Variants in FAM81A observed in about 807,000 individuals in gnomAD.
FAM81A encodes protein FAM81A.
A neutral mutation model predicts 46.7 loss-of-function variants in FAM81A; 19 were observed. That is an observed-to-expected ratio of 0.41 (90% CI 0.28 to 0.60). FAM81A has a LOEUF of 0.60. Ranked by LOEUF, FAM81A falls within the 20% of genes least tolerant of loss-of-function variation. FAM81A has a pLI of 0.34. For missense variants in FAM81A, 377 were observed against 453.5 expected (o/e 0.83, Z 1.53); for synonymous variants, 183 against 152.9 (o/e 1.20, Z -1.45).
chr15:59,405,021 T>C (rs28760600), intron 2 of FAM81A, among the ~76,000 whole-genome samples: 2,333 of 152,294 alleles, frequency 0.015, 56 homozygotes, highest in African/African-American at 0.052. Context: ...CTTTGCATGC[T>C]CTCTTCTGTC....
At chr15:59,496,354 C>A (rs939441662) in intron 4 of FAM81A, among the ~76,000 whole-genome samples, 1 of 152,208 alleles carries the variant, frequency 6.6e-6, no homozygotes, top group Admixed American at 6.5e-5. Flanking sequence ...CGCCTGTAAT[C>A]CCAGTGCATT....
chr15:59,459,989 C>T lies in FAM81A; in HGVS notation c.77C>T (p.Ser26Phe), dbSNP rs780817259. Residue 26 changes from serine (S) to phenylalanine (F), a missense_variant, in exon 3 of 9, where the codon TCT (serine) becomes TTT (phenylalanine). Physicochemically the swap from Ser to Phe is radical, Grantham distance 155. Coordinates refer to ENST00000288228, the MANE Select transcript of FAM81A (RefSeq NM_152450.3). ...TCCCTGACCATGGCACCATACTCAT[C>T]TGTAAGCCTCGTGGAGCAGCTGGAA... ...SQSLTMAPYSSVSLVEQLEDR... is the reference protein window; with the variant it reads ...SQSLTMAPYSFVSLVEQLEDR... 2 of 1,612,802 alleles carry T rather than the reference C, an allele frequency of 1.2e-6. No homozygotes were observed. The highest frequency in any genetic ancestry group is 1.1e-5 in the South Asian group (1 of 90,862).
chr15:59,443,838 GC>G (rs1476355034), intron 1 of FAM81A, among the ~76,000 whole-genome samples: 2 of 152,028 alleles, frequency 1.3e-5, no homozygotes, highest in Non-Finnish European at 2.9e-5. Flanking sequence ...GTGCACACTG[GC>G]CTCAATCGAC....
intron 6 of FAM81A, among the ~76,000 whole-genome samples, chr15:59,513,608 A>C (rs887460401): frequency 4.6e-5 from 7 of 152,180 alleles, no homozygotes; most frequent in Non-Finnish European, 8.8e-5. Context: ...GATTGAGCCT[A>C]GTTTAATGTT....
At chr15:59,514,072 G>A (rs1276012943) in intron 6 of FAM81A, among the ~76,000 whole-genome samples, 1 of 151,940 alleles carries the variant, frequency 6.6e-6, no homozygotes. Context: ...ACTGGGGCTT[G>A]GGGGCATGGG....
At chr15:59,413,579 A>C (rs908228313) in intron 2 of FAM81A, among the ~76,000 whole-genome samples, 4 of 152,132 alleles carry the variant, frequency 2.6e-5, no homozygotes, top group Admixed American at 1.3e-4. Context: ...TAAATATGCA[A>C]ACAGAGTTCT....
chr15:59,480,965 G>A (rs1268954677), intron 3 of FAM81A, among the ~76,000 whole-genome samples: 3 of 152,032 alleles, frequency 2.0e-5, no homozygotes, highest in African/African-American at 2.4e-5. Context: ...ATTCTTTCCT[G>A]TATTCTTCAA....
At chr15:59,432,610 A>G (rs1321117724) in intron 2 of FAM81A, among the ~76,000 whole-genome samples, 1 of 152,178 alleles carries the variant, frequency 6.6e-6, no homozygotes, top group Non-Finnish European at 1.5e-5. Flanking sequence ...AGAACTTAAT[A>G]GCTTTGGGAC....
chr15:59,415,542 C>T (rs572269202), intron 2 of FAM81A, among the ~76,000 whole-genome samples: 1 of 152,286 alleles, frequency 6.6e-6, no homozygotes, highest in East Asian at 1.9e-4. Context: ...AGGACTTGAT[C>T]TTCTGTCATG....
At chr15:59,427,876 G>C (rs1267653642) in intron 2 of FAM81A, among the ~76,000 whole-genome samples, 1 of 152,208 alleles carries the variant, frequency 6.6e-6, no homozygotes, top group Non-Finnish European at 1.5e-5. Context: ...TAAGAGTGCA[G>C]ATATCTCTTC....
chr15:59,411,995 C>CAA (rs397736383), intron 2 of FAM81A, among the ~76,000 whole-genome samples: 43 of 121,220 alleles, frequency 3.5e-4, no homozygotes, highest in East Asian at 3.1e-3. Context: ...AAGAAACAAA[C>CAA]AAAAAAAAAA....
intron 2 of FAM81A, among the ~76,000 whole-genome samples, chr15:59,430,960 C>T (rs2081217220): frequency 6.6e-6 from 1 of 152,036 alleles, no homozygotes; most frequent in African/African-American, 2.4e-5. Context: ...CTGACTGAGT[C>T]TTGGGGGACA....
rs2082170222 is a variant in FAM81A at position 59,508,286 on chromosome 15, CT to C, written c.544-574del. ...TCTGGATCTGACAAATACCATGAAT[CT>C]TTAAGTAAGGAACATGGAACATTCT... On this transcript the variant is annotated intron_variant, in intron 5 of 8. Transcript: ENST00000288228. Among the ~76,000 whole-genome samples the C allele has an allele frequency of 3.3e-5, 5 of 152,106 alleles. No individual in the cohort carries two copies. The South Asian group carries it at 1.0e-3, about 32-fold the overall frequency.
At chr15:59,472,047 A>G (rs573494432) in intron 3 of FAM81A, among the ~76,000 whole-genome samples, 16 of 151,962 alleles carry the variant, frequency 1.1e-4, no homozygotes, top group African/African-American at 3.6e-4. Flanking sequence ...TTCTTTTTGG[A>G]TTTACCTTTC....
intron 6 of FAM81A, among the ~76,000 whole-genome samples, chr15:59,511,593 T>G (rs116508270): frequency 0.015 from 2,261 of 152,278 alleles, 52 homozygotes; most frequent in African/African-American, 0.051. Flanking sequence ...CCTAGAGAAA[T>G]TCTCCCAAAT....
At chr15:59,449,658 T>G (rs1240017551) in intron 1 of FAM81A, among the ~76,000 whole-genome samples, 1 of 151,710 alleles carries the variant, frequency 6.6e-6, no homozygotes, top group Non-Finnish European at 1.5e-5. Flanking sequence ...GGCGGGCGCC[T>G]GTAGTCCCAG....
chr15:59,402,653 G>T (rs1311930270), intron 2 of FAM81A, among the ~76,000 whole-genome samples: 2 of 144,952 alleles, frequency 1.4e-5, no homozygotes, highest in East Asian at 2.0e-4. Flanking sequence ...CGTTTCTCCT[G>T]CCTCAGCCTC....
intron 7 of FAM81A, among the ~76,000 whole-genome samples, chr15:59,515,834 T>C (rs1274720277): frequency 6.6e-6 from 1 of 152,150 alleles, no homozygotes. Flanking sequence ...TTTCATGAAA[T>C]AGAAACTTAT....
chr15:59,482,450 G>C (rs1444550142), intron 3 of FAM81A, among the ~76,000 whole-genome samples: 1 of 152,094 alleles, frequency 6.6e-6, no homozygotes, highest in Non-Finnish European at 1.5e-5. Flanking sequence ...TGTATTTTTA[G>C]TAGAGACGGG....
Sources: gnomAD v4.1 joint callset for allele counts (sites outside exome capture counted in the v4.1 genomes callset) on GRCh38, gnomAD v4.1.1 for gene constraint, MANE v1.5 for transcripts, NCBI Gene and HGNC (gene_info 2026-07-23, HGNC 2026-07-21) for gene names.